The following DPYSL5 variants were observed in gnomAD, a reference collection of about 807,000 sequenced individuals.
The protein encoded by DPYSL5 is dihydropyrimidinase-related protein 5.
In DPYSL5, 9 loss-of-function variants were observed where a neutral mutation model predicts 58.4. The observed-to-expected ratio is 0.15, with a 90% confidence interval of 0.09 to 0.27. The LOEUF (loss-of-function observed/expected upper bound fraction) is 0.27, where lower values mean the gene tolerates loss of function less well. Among genes scored for constraint, DPYSL5 ranks in the 10% least tolerant of loss-of-function variants. The pLI is 1.00. For missense variants in DPYSL5, 499 were observed against 770.6 expected (o/e 0.65, Z 4.17); for synonymous variants, 293 against 301.9 (o/e 0.97, Z 0.31).
At chr2:26,855,007 G>A (rs1318037154) in intron 1 of DPYSL5, among the ~76,000 whole-genome samples, 1 of 151,576 alleles carries the variant, frequency 6.6e-6, no homozygotes, top group Non-Finnish European at 1.5e-5. Flanking sequence ...TAGTAGAGAC[G>A]GGGTTTCACC....
At chr2:26,869,067 C>T (rs1360065324) in intron 1 of DPYSL5, among the ~76,000 whole-genome samples, 2 of 152,128 alleles carry the variant, frequency 1.3e-5, no homozygotes, top group African/African-American at 4.8e-5. Flanking sequence ...TGGGCTCAAG[C>T]GATCCTCCTA....
chr2:26,871,098 C>T (rs1228775904), intron 1 of DPYSL5, among the ~76,000 whole-genome samples: 4 of 152,146 alleles, frequency 2.6e-5, no homozygotes, highest in South Asian at 2.1e-4. Flanking sequence ...AGTTCTTGTA[C>T]GGCCTGGTGA....
At chr2:26,909,260 G>GT (rs1264669888) in intron 2 of DPYSL5, among the ~76,000 whole-genome samples, 5 of 152,094 alleles carry the variant, frequency 3.3e-5, no homozygotes, top group African/African-American at 9.7e-5. Flanking sequence ...GCCAACTACT[G>GT]TAAGAACGTT....
intron 2 of DPYSL5, among the ~76,000 whole-genome samples, chr2:26,899,259 T>C (rs1216668987): frequency 6.6e-6 from 1 of 152,166 alleles, no homozygotes; most frequent in East Asian, 1.9e-4. Context: ...GGTGGTGGGC[T>C]CTCTTTTCAG....
At chr2:26,865,299 A>G (rs1666112457) in intron 1 of DPYSL5, among the ~76,000 whole-genome samples, 1 of 140,996 alleles carries the variant, frequency 7.1e-6, no homozygotes, top group East Asian at 2.3e-4. Context: ...ATGTGGAGAT[A>G]GGGTTTTGTG....
At chr2:26,907,046 C>T (rs1357977858) in intron 2 of DPYSL5, among the ~76,000 whole-genome samples, 6 of 152,094 alleles carry the variant, frequency 3.9e-5, no homozygotes, top group African/African-American at 1.2e-4. Flanking sequence ...GGATTACAGG[C>T]GTCAGCCATC....
intron 1 of DPYSL5, among the ~76,000 whole-genome samples, chr2:26,895,875 G>A (rs763916230): frequency 3.5e-5 from 5 of 143,124 alleles, no homozygotes; most frequent in Admixed American, 1.5e-4. Context: ...CTGCCTCCCC[G>A]GTTTAAGCAA....
At chr2:26,858,649 G>A (rs935602180) in intron 1 of DPYSL5, among the ~76,000 whole-genome samples, 17 of 150,412 alleles carry the variant, frequency 1.1e-4, no homozygotes, top group African/African-American at 2.2e-4. Context: ...GGGCAGCCTC[G>A]ATTTCCCAGG....
Position 26,944,665 on chromosome 2 carries a change from G to T in DPYSL5, c.1450G>T (p.Val484Phe), listed in dbSNP as rs1049532272. The change falls in exon 12 of 13, where the codon GTT (valine) becomes TTT (phenylalanine). Residue 484 changes from valine (V) to phenylalanine (F), a missense_variant. Physicochemically the swap from Val to Phe is conservative, Grantham distance 50 (BLOSUM62 -1). Transcript: ENST00000288699. This position sits in a 1 kb window ranked among gnomAD's most constrained non-coding sequence, Gnocchi z 4.4. ...KLVQREKTLKVRGVDRTPYLG... is the reference protein window; with the variant it reads ...KLVQREKTLKFRGVDRTPYLG... The stretch of plus-strand genomic sequence containing the variant: ...TTCCATCCTTCCCTAGACTTTAAAG[G>T]TTAGAGGAGTGGACCGCACTCCCTA... 9.3e-6 allele frequency: 15 copies of T among 1,613,836 alleles called. No individual in the cohort carries two copies. Among genetic ancestry groups the T allele is most frequent in the Non-Finnish European group, 1.3e-5 (15 of 1,179,846 alleles).
rs778189920 is a variant in DPYSL5, at chr2:26,942,503, G to C, written c.1233-40G>C. ...CCATGGAGCTGTGACATTTTGACCT[G>C]TCCTCAGCGCTTTCTCTCCCGCCAT... On this transcript the variant is annotated intron_variant, in intron 10 of 12. Coordinates refer to ENST00000288699, the MANE Select transcript of DPYSL5 (RefSeq NM_020134.4). This position sits in a 1 kb window ranked among gnomAD's most constrained non-coding sequence, Gnocchi z 5.9. 1 of 1,588,742 alleles carries C rather than the reference G, an allele frequency of 6.3e-7. No individual in the cohort carries two copies. Among genetic ancestry groups the C allele is most frequent in the Non-Finnish European group, 8.6e-7 (1 of 1,166,276 alleles).
intron 12 of DPYSL5, among the ~76,000 whole-genome samples, chr2:26,946,260 A>AC (rs1426260521): frequency 1.3e-5 from 2 of 151,838 alleles, no homozygotes; most frequent in African/African-American, 4.8e-5. Context: ...ACTGGGCAGA[A>AC]CCCCCGCTCA....
In DPYSL5 at chr2:26,901,145, G is replaced by T. The variant is rs1202283431; in HGVS notation, c.261+2385G>T. Among the ~76,000 whole-genome samples, 4 of 152,064 alleles carry T rather than the reference G, an allele frequency of 2.6e-5. No individual in the cohort carries two copies. In the East Asian group the frequency reaches 7.7e-4, roughly 29 times the overall value. On this transcript the variant is annotated intron_variant, in intron 2 of 12. Coordinates refer to ENST00000288699, the MANE Select transcript of DPYSL5 (RefSeq NM_020134.4). ...AGATCTCCCATTTCTACAGGTTCAG[G>T]CTGCCTCAGGAGCCCCAGTCCATGT...
intron 1 of DPYSL5, among the ~76,000 whole-genome samples, chr2:26,890,766 G>A (rs1011614991): frequency 6.6e-6 from 1 of 152,180 alleles, no homozygotes; most frequent in African/African-American, 2.4e-5. Context: ...CAAGATCAGG[G>A]TGCAGGCGGG....
At chr2:26,928,704 T>TATATATAC in intron 5 of DPYSL5, among the ~76,000 whole-genome samples, 3 of 63,000 alleles carry the variant, frequency 4.8e-5, no homozygotes, top group East Asian at 6.2e-4. Context: ...TATATATATA[T>TATATATAC]ACACACACAC....
chr2:26,877,391 C>A lies in DPYSL5; in HGVS notation c.-4-21105C>A, dbSNP rs1170361701. ...ATGAATAACATCAAAACAATGTGGACACTAAGAGAATACATGTAACTCATG... is the reference window on the plus strand; with the variant it reads ...ATGAATAACATCAAAACAATGTGGAAACTAAGAGAATACATGTAACTCATG... On this transcript the variant is annotated intron_variant, in intron 1 of 12. Transcript: ENST00000288699. This position sits in a 1 kb window ranked among gnomAD's most constrained non-coding sequence, Gnocchi z 4.1. Among the ~76,000 whole-genome samples the A allele has an allele frequency of 6.6e-6, 1 of 152,008 alleles. No homozygotes were observed. Among genetic ancestry groups the A allele is most frequent in the African/African-American group, 2.4e-5 (1 of 41,366 alleles).
chr2:26,861,623 T>C (rs1666018999), intron 1 of DPYSL5, among the ~76,000 whole-genome samples: 1 of 152,226 alleles, frequency 6.6e-6, no homozygotes, highest in Non-Finnish European at 1.5e-5. Flanking sequence ...AGGAAGCCTC[T>C]GGATGCTCCT....
chr2:26,872,142 G>A (rs184885059), intron 1 of DPYSL5, among the ~76,000 whole-genome samples: 1 of 152,298 alleles, frequency 6.6e-6, no homozygotes, highest in African/African-American at 2.4e-5. Flanking sequence ...ACTTGTACAC[G>A]TGTTCTAAAC....
intron 1 of DPYSL5, among the ~76,000 whole-genome samples, chr2:26,879,460 G>GAAA (rs748100269): frequency 2.3e-4 from 17 of 74,394 alleles, no homozygotes; most frequent in African/African-American, 8.3e-4. Flanking sequence ...ATCTCTATTT[G>GAAA]AAAAAAAAAA....
At chr2:26,907,504 C>A (rs192827048) in intron 2 of DPYSL5, among the ~76,000 whole-genome samples, 110 of 152,258 alleles carry the variant, frequency 7.2e-4, no homozygotes, top group African/African-American at 2.5e-3. Flanking sequence ...TGCAATGGCT[C>A]CCTGTTGTCT....
Sources: allele counts gnomAD v4.1 joint callset (sites outside exome capture counted in the v4.1 genomes callset), GRCh38; gene constraint gnomAD v4.1.1; non-coding constraint Gnocchi (gnomAD v3.1); transcripts MANE v1.5; gene names NCBI Gene and HGNC (gene_info 2026-07-23, HGNC 2026-07-21).